The following PCNX2 variants were observed in gnomAD, a reference collection of about 807,000 sequenced individuals.
The protein encoded by PCNX2 is pecanex-like protein 2.
In PCNX2, 168 loss-of-function variants were observed where a neutral mutation model predicts 223.8. That is an observed-to-expected ratio of 0.75 (90% CI 0.66 to 0.85). The LOEUF is 0.85. Ranked by LOEUF, PCNX2 falls within the 40% of genes least tolerant of loss-of-function variation. The pLI, the probability that PCNX2 is intolerant of heterozygous loss-of-function variation, is 0.00. For synonymous variants in PCNX2, 1,006 were observed against 1,052.6 expected, an observed-to-expected ratio of 0.96 and a Z score of 0.86; for missense variants, 2,507 against 2,675.5, an observed-to-expected ratio of 0.94 and a Z score of 1.39.
At chr1:233,118,491 C>CAAAAAAA (rs35378781) in intron 21 of PCNX2, among the ~76,000 whole-genome samples, 1 of 94,438 alleles carries the variant, frequency 1.1e-5, no homozygotes. Flanking sequence ...AAGGCACCTA[C>CAAAAAAA]AAAAAAAAAA....
At chr1:233,051,018 T>A (rs532040921) in intron 25 of PCNX2, among the ~76,000 whole-genome samples, 1 of 151,944 alleles carries the variant, frequency 6.6e-6, no homozygotes, top group African/African-American at 2.4e-5. Context: ...GTAAAAGATA[T>A]GAAGAGATAC....
At chr1:233,002,624 C>T (rs1371776456) in intron 28 of PCNX2, among the ~76,000 whole-genome samples, 7 of 152,284 alleles carry the variant, frequency 4.6e-5, no homozygotes, top group African/African-American at 1.7e-4. Flanking sequence ...CAAGCTACCA[C>T]TGACTTTCTT....
intron 25 of PCNX2, among the ~76,000 whole-genome samples, chr1:233,040,676 G>A (rs1558182324): frequency 6.6e-6 from 1 of 151,966 alleles, no homozygotes; most frequent in African/African-American, 2.4e-5. Context: ...CTCTAGCTCA[G>A]TCACTCTCTC....
At chr1:233,313,689 T>C in the PCNX2 span, among the ~76,000 whole-genome samples, 9 of 152,150 alleles carry the variant, frequency 5.9e-5, no homozygotes, top group Non-Finnish European at 1.2e-4. Flanking sequence ...TAAGTTAGTA[T>C]ACACAGACCT....
At chr1:233,018,853 T>G in intron 26 of PCNX2, 1 of 985,434 alleles carries the variant, frequency 1.0e-6, no homozygotes, top group South Asian at 4.7e-5. Flanking sequence ...AAACGCTTAA[T>G]TGATGCTCTT....
chr1:233,180,992 C>T (rs6688269), intron 15 of PCNX2: 5,954 of 152,214 alleles, frequency 0.039, 200 homozygotes, highest in African/African-American at 0.089. Flanking sequence ...ACCAATTTTG[C>T]TGAAAAGCTC....
At position 233,295,566 on chromosome 1, in the gene PCNX2, G is replaced by A; in HGVS notation, c.-88C>T. The A allele has an allele frequency of 7.9e-7, 1 of 1,263,322 alleles. No individual in the cohort carries two copies. Among genetic ancestry groups the A allele is most frequent in the Non-Finnish European group, 1.0e-6 (1 of 998,482 alleles). 78.3% of individuals were successfully genotyped at this position (1,263,322 alleles called of 1,614,324 possible). A position where few individuals can be genotyped will look rare whatever the true frequency, so the allele number is the denominator to read the frequency against. ...CAGGCTCCCTCAGGTCTAACACCCG[G>A]GCCCGCGGGCCGCGCCCCCGCCGTC... On this transcript the variant is annotated 5_prime_UTR_variant, in exon 1 of 34. Coordinates refer to ENST00000258229, the MANE Select transcript of PCNX2 (RefSeq NM_014801.4). This position sits in a 1 kb window ranked among gnomAD's most constrained non-coding sequence, Gnocchi z 4.1.
chr1:233,297,378 A>T (rs1441175240), upstream of PCNX2, among the ~76,000 whole-genome samples: 1 of 152,250 alleles, frequency 6.6e-6, no homozygotes, highest in East Asian at 1.9e-4. Context: ...AGGAGGCAGG[A>T]AAATCAAAGA....
chr1:233,036,313 T>A (rs899695103), intron 25 of PCNX2, among the ~76,000 whole-genome samples: 1 of 152,098 alleles, frequency 6.6e-6, no homozygotes, highest in African/African-American at 2.4e-5. Flanking sequence ...ATATTTAATT[T>A]GTGGAAAGAA....
At chr1:232,996,271 G>C (rs907632500) in intron 32 of PCNX2, among the ~76,000 whole-genome samples, 1 of 151,886 alleles carries the variant, frequency 6.6e-6, no homozygotes, top group African/African-American at 2.4e-5. Context: ...ACACCCCCCT[G>C]ACTCTGGACT....
intron 19 of PCNX2, among the ~76,000 whole-genome samples, chr1:233,146,379 A>G (rs12402073): frequency 0.13 from 20,232 of 152,142 alleles, 1,469 homozygotes; most frequent in East Asian, 0.25. Context: ...GGAAAAAAGC[A>G]GTCTTTTTGA....
chr1:233,182,709 AG>A, intron 15 of PCNX2, among the ~76,000 whole-genome samples: 1 of 151,872 alleles, frequency 6.6e-6, no homozygotes, highest in South Asian at 2.1e-4. Context: ...CCATCTGCAC[AG>A]AGGGCTCTTC....
At chr1:233,086,564 G>C (rs778659409) in intron 23 of PCNX2, among the ~76,000 whole-genome samples, 1 of 151,976 alleles carries the variant, frequency 6.6e-6, no homozygotes, top group Non-Finnish European at 1.5e-5. Context: ...CCAGCTACTC[G>C]GGAGGCTGAG....
In PCNX2 at chr1:233,169,954, A is replaced by G. The variant is rs181573319; in HGVS notation, c.3273+7848T>C. Among the ~76,000 whole-genome samples the G allele has an allele frequency of 3.9e-5, 6 of 151,962 alleles. No homozygotes were observed. The East Asian group carries it at 1.2e-3, about 30-fold the overall frequency. ...TTAATTTTGCCCATTTTTACTCAAT[A>G]TATTGTACCATACTATATGCATTAT... is the stretch of plus-strand genomic sequence containing the variant. On this transcript the variant is annotated intron_variant, in intron 17 of 33. Transcript: ENST00000258229.
At chr1:233,031,646 G>T in intron 25 of PCNX2, 1 of 595,956 alleles carries the variant, frequency 1.7e-6, no homozygotes, top group Non-Finnish European at 2.1e-6. Flanking sequence ...CTATGAAATA[G>T]GAGTCCAGGT....
At chr1:233,245,764 A>C (rs951154086) in intron 8 of PCNX2, among the ~76,000 whole-genome samples, 1 of 152,050 alleles carries the variant, frequency 6.6e-6, no homozygotes, top group Non-Finnish European at 1.5e-5. Context: ...AATACAAAAA[A>C]ATTAGCCCGG....
At chr1:233,254,157 A>G (rs1292867372) in intron 5 of PCNX2, among the ~76,000 whole-genome samples, 1 of 152,246 alleles carries the variant, frequency 6.6e-6, no homozygotes, top group Non-Finnish European at 1.5e-5. Context: ...TCAAGTAATT[A>G]GAGGAGCAAT....
At chr1:233,183,477 T>G (rs924236833) in intron 15 of PCNX2, among the ~76,000 whole-genome samples, 1 of 152,228 alleles carries the variant, frequency 6.6e-6, no homozygotes, top group African/African-American at 2.4e-5. Flanking sequence ...TTGAGTAGCT[T>G]ACATCAAATG....
At chr1:233,295,753 C>CGGCTGCTCAGAGGT (rs796559660), upstream of PCNX2, 1,753 of 339,492 alleles carry the variant, frequency 5.2e-3, 24 homozygotes, top group African/African-American at 0.034. The surrounding 1 kb of genome is among the most constrained non-coding windows in gnomAD (Gnocchi z 4.1). Context: ...TGCTCAGAGG[C>CGGCTGCTCAGAGGT]GGCTGCTCAG....
Sources: gnomAD v4.1 joint callset for allele counts (sites outside exome capture counted in the v4.1 genomes callset) on GRCh38, gnomAD v4.1.1 for gene constraint, Gnocchi (gnomAD v3.1) non-coding constraint, MANE v1.5 for transcripts, NCBI Gene and HGNC (gene_info 2026-07-23, HGNC 2026-07-21) for gene names.